PRKCH: variants seen among roughly 807,000 people sequenced by gnomAD.
PRKCH encodes the protein protein kinase C eta type.
In PRKCH, 28 loss-of-function variants were observed where a neutral mutation model predicts 82.5. The observed-to-expected ratio is 0.34, with a 90% CI of 0.25 to 0.47. The LOEUF is 0.47. Among genes scored for constraint, PRKCH ranks in the 20% least tolerant of loss-of-function variants. The pLI is 1.00. For synonymous variants in PRKCH, 322 were observed against 327.4 expected, an observed-to-expected ratio of 0.98 and a Z score of 0.18; for missense variants, 705 against 881.8, an observed-to-expected ratio of 0.80 and a Z score of 2.54.
intron 1 of PRKCH, among the ~76,000 whole-genome samples, chr14:61,230,122 A>G (rs2044729888): frequency 6.6e-6 from 1 of 152,042 alleles, no homozygotes; most frequent in African/African-American, 2.4e-5. Flanking sequence ...CCTCTCTCCA[A>G]AGCAAGCCTA....
intron 1 of PRKCH, among the ~76,000 whole-genome samples, chr14:61,191,969 G>A (rs1317231724): frequency 6.6e-6 from 1 of 152,044 alleles, no homozygotes; most frequent in South Asian, 2.1e-4. Context: ...CATTGGCAGG[G>A]AGATGGATAT....
chr14:61,370,679 A>T (rs1185263349), intron 1 of PRKCH, among the ~76,000 whole-genome samples: 1 of 152,060 alleles, frequency 6.6e-6, no homozygotes, highest in East Asian at 1.9e-4. Flanking sequence ...TTAGATGTTC[A>T]TTGGAAGTAG....
chr14:61,298,546 T>A (rs2045422964), intron 1 of PRKCH: 1 of 152,010 alleles, frequency 6.6e-6, no homozygotes, highest in Admixed American at 6.5e-5. Flanking sequence ...ACAAATAAGA[T>A]ACATATTCAT....
intron 1 of PRKCH, among the ~76,000 whole-genome samples, chr14:61,272,591 G>A (rs1405626352): frequency 1.3e-5 from 2 of 151,838 alleles, no homozygotes; most frequent in Non-Finnish European, 2.9e-5. Flanking sequence ...CCTGACCTCA[G>A]GTGATCCACC....
intron 1 of PRKCH, among the ~76,000 whole-genome samples, chr14:61,229,144 AAAT>A (rs1289650307): frequency 1.3e-5 from 2 of 152,186 alleles, no homozygotes; most frequent in Non-Finnish European, 2.9e-5. Context: ...CCCCAAATGG[AAAT>A]AATCTAAATA....
At position 61,530,540 on chromosome 14, in the gene PRKCH, A is replaced by G. The variant is rs1218021064; in HGVS notation, c.1706A>G (p.Asp569Gly). 2 of 1,611,124 alleles carry G rather than the reference A, an allele frequency of 1.2e-6. No homozygotes were observed. The highest frequency in any genetic ancestry group is 1.1e-5 in the South Asian group (1 of 90,194). Residue 569 changes from aspartate to glycine, a missense_variant, in exon 12 of 14, where the codon GAT becomes GGT. Transcript: ENST00000332981. ...GACCTCTTTGAGGCCATACTGAATG[A>G]TGAGGTGGTCTACCCTACCTGGCTC... ...EDDLFEAILN[D>G]EVVYPTWLHE...
intron 1 of PRKCH, among the ~76,000 whole-genome samples, chr14:61,352,534 T>G (rs933782090): frequency 1.3e-5 from 2 of 151,852 alleles, no homozygotes; most frequent in African/African-American, 2.4e-5. Flanking sequence ...CGTGGTGGTG[T>G]GCACTTGTAG....
intron 2 of PRKCH, among the ~76,000 whole-genome samples, chr14:61,426,556 A>G (rs770999459): frequency 3.3e-5 from 5 of 152,174 alleles, no homozygotes; most frequent in Non-Finnish European, 7.3e-5. Context: ...ATTTCTCTTT[A>G]GTCTTGGATG....
intron 1 of PRKCH, among the ~76,000 whole-genome samples, chr14:61,342,347 C>T (rs2045939812): frequency 6.6e-6 from 1 of 152,144 alleles, no homozygotes; most frequent in African/African-American, 2.4e-5. Context: ...GCAGAAAAGG[C>T]TTGGAGAGGT....
intron 4 of PRKCH, among the ~76,000 whole-genome samples, chr14:61,446,187 A>G (rs1442543606): frequency 2.0e-5 from 3 of 152,196 alleles, no homozygotes; most frequent in Non-Finnish European, 4.4e-5. Context: ...AAAAAAAAAA[A>G]AAAGTGAGAA....
chr14:61,374,454 T>C (rs1253706698), intron 1 of PRKCH, among the ~76,000 whole-genome samples: 2 of 152,076 alleles, frequency 1.3e-5, no homozygotes, highest in East Asian at 1.9e-4. Context: ...AGTGCCCTCA[T>C]AGAGGTTCAC....
chr14:61,437,764 T>C (rs1883746030), intron 2 of PRKCH, among the ~76,000 whole-genome samples: 1 of 152,160 alleles, frequency 6.6e-6, no homozygotes, highest in African/African-American at 2.4e-5. Flanking sequence ...TTCCTAGGTA[T>C]TCATTCTTCT....
chr14:61,333,426 C>G (rs966211093), intron 1 of PRKCH, among the ~76,000 whole-genome samples: 2 of 152,134 alleles, frequency 1.3e-5, no homozygotes, highest in African/African-American at 4.8e-5. Flanking sequence ...TTATTAATTC[C>G]TAACATTCAG....
At position 61,373,321 on chromosome 14, in the gene PRKCH, C is replaced by T. The variant is rs547011960; in HGVS notation, c.364-17904C>T. ...GGCAAAGGGGAAGCAAGCAGCATGA[C>T]GGAGCAGGGTAGAAAGAGAAAGGGA... On this transcript the variant is annotated intron_variant, in intron 1 of 13. Coordinates refer to ENST00000332981, the MANE Select transcript of PRKCH (RefSeq NM_006255.5). Among the ~76,000 whole-genome samples, 54 of 151,672 alleles carry T rather than the reference C, an allele frequency of 3.6e-4. No homozygotes were observed. In the South Asian group the frequency reaches 4.8e-3, roughly 13 times the overall value.
intron 1 of PRKCH, among the ~76,000 whole-genome samples, chr14:61,244,817 C>T (rs1024096387): frequency 4.6e-5 from 7 of 152,290 alleles, no homozygotes; most frequent in East Asian, 1.9e-4. Flanking sequence ...TATATACCCC[C>T]GAATACAACA....
At chr14:61,356,425 G>T (rs1194216887) in intron 1 of PRKCH, among the ~76,000 whole-genome samples, 1 of 152,150 alleles carries the variant, frequency 6.6e-6, no homozygotes, top group Non-Finnish European at 1.5e-5. Flanking sequence ...ATCATTTTAA[G>T]AACTGGGATT....
In PRKCH at chr14:61,458,045, C is replaced by G. The variant is rs1015835102; in HGVS notation, c.1278+366C>G. Among the ~76,000 whole-genome samples, 7 of 152,354 alleles carry G rather than the reference C, an allele frequency of 4.6e-5. 1 individual carries two copies. The highest frequency in any genetic ancestry group is 2.0e-4 in the Admixed American group (3 of 15,306). On this transcript the variant is annotated intron_variant, in intron 9 of 13. Coordinates refer to ENST00000332981, the MANE Select transcript of PRKCH (RefSeq NM_006255.5). ...TGTCTTGATGAATTTGGCTGTGACTCTGCTCCTAAATGCTGGGCTGGTTCT... is the reference window on the plus strand; with the variant it reads ...TGTCTTGATGAATTTGGCTGTGACTGTGCTCCTAAATGCTGGGCTGGTTCT...
chr14:61,284,870 A>G (rs898041367), intron 1 of PRKCH, among the ~76,000 whole-genome samples: 3 of 152,110 alleles, frequency 2.0e-5, no homozygotes, highest in African/African-American at 4.8e-5. Context: ...TTAATTTTTA[A>G]TAGATTGTAA....
At chr14:61,284,687 C>T (rs1209510213) in intron 1 of PRKCH, among the ~76,000 whole-genome samples, 1 of 152,176 alleles carries the variant, frequency 6.6e-6, no homozygotes, top group Non-Finnish European at 1.5e-5. Context: ...ATGCTTGGAT[C>T]ATGTAAACTC....
Sources: gnomAD v4.1 joint callset for allele counts (sites outside exome capture counted in the v4.1 genomes callset) on GRCh38, gnomAD v4.1.1 for gene constraint, MANE v1.5 for transcripts, NCBI Gene and HGNC (gene_info 2026-07-23, HGNC 2026-07-21) for gene names.